MAN1A2: variants seen among roughly 807,000 people sequenced by gnomAD.
MAN1A2 encodes mannosyl-oligosaccharide 1,2-alpha-mannosidase IB.
A neutral mutation model predicts 75.7 loss-of-function variants in MAN1A2; 26 were observed. That is an observed-to-expected ratio of 0.34 (90% CI 0.25 to 0.48). The LOEUF is 0.48. MAN1A2 is among the 20% of genes least tolerant of loss of function. MAN1A2 has a pLI of 0.99. For missense variants in MAN1A2, 562 were observed against 775.5 expected, an observed-to-expected ratio of 0.72 and a Z score of 3.27; for synonymous variants, 247 against 264.6, an observed-to-expected ratio of 0.93 and a Z score of 0.65.
At chr1:117,471,627 A>C (rs989892186) in intron 8 of MAN1A2, among the ~76,000 whole-genome samples, 4 of 151,894 alleles carry the variant, frequency 2.6e-5, no homozygotes, top group Admixed American at 6.6e-5. Flanking sequence ...CTGTAAAGCA[A>C]GATGGACAGA....
At chr1:117,484,274 G>C (rs983336606) in intron 8 of MAN1A2, among the ~76,000 whole-genome samples, 1 of 151,892 alleles carries the variant, frequency 6.6e-6, no homozygotes, top group African/African-American at 2.4e-5. Context: ...GTTTATTGAT[G>C]TTGTAAATTT....
In MAN1A2 at chr1:117,435,435, A is replaced by T. The variant is rs573103632; in HGVS notation, c.856-6796A>T. 3.3e-5 allele frequency among the ~76,000 whole-genome samples: 5 copies of T among 152,326 alleles called. No individual in the cohort carries two copies. The East Asian group carries it at 9.6e-4, about 29-fold the overall frequency. On this transcript the variant is annotated intron_variant, in intron 5 of 12. Transcript: ENST00000356554. Reference sequence around the variant, plus strand: ...ATGCTTTTGCTCACATGTGTGGTCAATCCTTAATAAGATCTGTTTCAGTGA... The same window carrying T: ...ATGCTTTTGCTCACATGTGTGGTCATTCCTTAATAAGATCTGTTTCAGTGA...
intron 3 of MAN1A2, among the ~76,000 whole-genome samples, chr1:117,412,807 TTG>T (rs1259688571): frequency 1.3e-5 from 2 of 151,858 alleles, no homozygotes; most frequent in African/African-American, 4.8e-5. Context: ...CTTTTCTTCC[TTG>T]AAGCCTTTAG....
At chr1:117,457,094 A>C (rs1479467246) in intron 6 of MAN1A2, among the ~76,000 whole-genome samples, 3 of 152,100 alleles carry the variant, frequency 2.0e-5, no homozygotes, top group Non-Finnish European at 4.4e-5. Flanking sequence ...TATTCGACTG[A>C]CTTTGAACAA....
chr1:117,442,846 T>C lies in MAN1A2; in HGVS notation c.950+521T>C, dbSNP rs140101413. Among the ~76,000 whole-genome samples, 998 of 152,258 alleles carry C rather than the reference T, an allele frequency of 6.6e-3. 7 individuals are homozygous for C. The highest frequency in any genetic ancestry group is 0.022 in the African/African-American group (935 of 41,560). ...TATTATAGCATCTACACTAGTGAAG[T>C]TCAAAGTGAACTCTTAAGCATCAAT... On this transcript the variant is annotated intron_variant, in intron 6 of 12. Coordinates refer to ENST00000356554, the MANE Select transcript of MAN1A2 (RefSeq NM_006699.5).
intron 5 of MAN1A2, among the ~76,000 whole-genome samples, chr1:117,423,271 T>A (rs1010594428): frequency 6.6e-6 from 1 of 152,206 alleles, no homozygotes; most frequent in African/African-American, 2.4e-5. Flanking sequence ...TACCACATTG[T>A]ATTCATTATT....
chr1:117,510,456 A>G (rs943539639), intron 12 of MAN1A2, among the ~76,000 whole-genome samples: 1 of 152,086 alleles, frequency 6.6e-6, no homozygotes, highest in Non-Finnish European at 1.5e-5. Context: ...ATCTTAGACA[A>G]CAGAGTAAAT....
At chr1:117,473,274 G>A (rs1022418237) in intron 8 of MAN1A2, among the ~76,000 whole-genome samples, 1 of 151,680 alleles carries the variant, frequency 6.6e-6, no homozygotes, top group African/African-American at 2.4e-5. Context: ...CCCCACTCCA[G>A]TTTCTCAGCA....
chr1:117,458,523 A>ATAAT (rs1553236643), intron 6 of MAN1A2, among the ~76,000 whole-genome samples: 2 of 105,614 alleles, frequency 1.9e-5, no homozygotes, highest in Admixed American at 9.7e-5. Context: ...ATATATATAT[A>ATAAT]TTTTTTTTTT....
intron 8 of MAN1A2, among the ~76,000 whole-genome samples, chr1:117,480,022 G>T (rs1391345675): frequency 1.3e-5 from 2 of 151,820 alleles, no homozygotes; most frequent in Admixed American, 1.3e-4. Context: ...TTCTTGTCTG[G>T]CTGGTATGAA....
At chr1:117,469,090 TTGAACCCAGGAGGTGGAGGTTGCAG>T (rs1373443469) in intron 8 of MAN1A2, among the ~76,000 whole-genome samples, 2 of 152,072 alleles carry the variant, frequency 1.3e-5, no homozygotes, top group African/African-American at 4.8e-5. Flanking sequence ...GGAGAGTCAC[TTGAACCCAGGAGGTGGAGGTTGCAG>T]TGAACCGAGA....
At chr1:117,400,581 A>C (rs2101751699) in intron 1 of MAN1A2, among the ~76,000 whole-genome samples, 1 of 151,854 alleles carries the variant, frequency 6.6e-6, no homozygotes, top group East Asian at 1.9e-4. Flanking sequence ...CTTTTTTGAG[A>C]ATGTCATATA....
rs187082719 is a variant in MAN1A2 at position 117,524,003 on chromosome 1, A to G, written c.*1046A>G. On this transcript the variant is annotated 3_prime_UTR_variant, in exon 13 of 13. Coordinates refer to ENST00000356554, the MANE Select transcript of MAN1A2 (RefSeq NM_006699.5). ...TACTTTTATAACTTACTAAAGCAGA[A>G]CAAACAGTGAAACTTTCTAAAATAT... 18 of 152,424 alleles carry G rather than the reference A, an allele frequency of 1.2e-4. No individual in the cohort carries two copies. The highest frequency in any genetic ancestry group is 3.9e-4 in the African/African-American group (16 of 41,534). The allele number at this position is 152,424 out of a possible 1,614,324, so 9.4% of individuals were successfully genotyped here.
chr1:117,404,075 G>A (rs188668341), intron 2 of MAN1A2, among the ~76,000 whole-genome samples: 2 of 152,060 alleles, frequency 1.3e-5, no homozygotes, highest in East Asian at 3.9e-4. Context: ...AAATTACATT[G>A]TTTTTTGGAT....
intron 12 of MAN1A2, among the ~76,000 whole-genome samples, chr1:117,504,579 T>C (rs760589148): frequency 6.6e-6 from 1 of 151,460 alleles, no homozygotes; most frequent in Middle Eastern, 3.4e-3. Context: ...TTAATATTCA[T>C]ATAATAATGT....
intron 12 of MAN1A2, among the ~76,000 whole-genome samples, chr1:117,509,900 C>G (rs1450671942): frequency 6.6e-6 from 1 of 151,400 alleles, no homozygotes; most frequent in Non-Finnish European, 1.5e-5. Context: ...CTTGATATAG[C>G]CTTCTGGAAA....
Position 117,368,483 on chromosome 1 carries a change from C to A in MAN1A2, c.300C>A (p.His100Gln). 6.2e-7 allele frequency: 1 copy of A among 1,602,324 alleles called. No homozygotes were observed. The highest frequency in any genetic ancestry group is 8.5e-7 in the Non-Finnish European group (1 of 1,175,612). ...FLIHGPDEHRHREEEERLRNK... is the reference protein window; with the variant it reads ...FLIHGPDEHRQREEEERLRNK... ...TCCATGGACCCGATGAACATAGACA[C>A]AGGTTTGTTTATTTCAGAAGTTCTG... is the stretch of plus-strand genomic sequence containing the variant. Residue 100 changes from histidine (H) to glutamine (Q), a missense_variant and splice_region_variant, in exon 1 of 13, where the codon CAC (histidine) becomes CAA (glutamine). Physicochemically the swap from His to Gln is conservative, Grantham distance 24. Transcript: ENST00000356554.
rs372112785 is a variant in MAN1A2, at chr1:117,496,794, G to A, written c.1316G>A (p.Arg439His). The change falls in exon 10 of 13, where the codon CGT becomes CAT. Residue 439 changes from arginine (R) to histidine (H), a missense_variant. Arg to His is a conservative substitution (Grantham distance 29). Around this residue, in one of 2 missense-constraint regions of MAN1A2, gnomAD observed 434 missense variants for 645.7 expected, o/e 0.67. Transcript: ENST00000356554. Reference sequence around the variant, plus strand: ...GAAAAACATCTTATTAAGAAGTCTCGTGGAGGTCTTACCTTTATTGGAGAA... The same window carrying A: ...GAAAAACATCTTATTAAGAAGTCTCATGGAGGTCTTACCTTTATTGGAGAA... ...AIEKHLIKKSRGGLTFIGEWK... is the reference protein window; with the variant it reads ...AIEKHLIKKSHGGLTFIGEWK... 1.9e-5 allele frequency: 30 copies of A among 1,611,966 alleles called. No individual in the cohort carries two copies. The highest frequency in any genetic ancestry group is 1.6e-4 in the Middle Eastern group (1 of 6,062).
chr1:117,450,771 G>C lies in MAN1A2; in HGVS notation c.950+8446G>C, dbSNP rs575234016. Among the ~76,000 whole-genome samples the C allele has an allele frequency of 3.3e-5, 5 of 152,328 alleles. No individual in the cohort carries two copies. In the East Asian group the frequency reaches 9.7e-4, roughly 29 times the overall value. On this transcript the variant is annotated intron_variant, in intron 6 of 12. Coordinates refer to ENST00000356554, the MANE Select transcript of MAN1A2 (RefSeq NM_006699.5). ...GCCTCAAGCTTCCATGTGGTGTTGAGCCTGCCAGTGCACAGAAGTCAAGAA... is the reference window on the plus strand; with the variant it reads ...GCCTCAAGCTTCCATGTGGTGTTGACCCTGCCAGTGCACAGAAGTCAAGAA...
Sources: allele counts gnomAD v4.1 joint callset (sites outside exome capture counted in the v4.1 genomes callset), GRCh38; gene constraint gnomAD v4.1.1; regional missense constraint gnomAD v4.1.1; transcripts MANE v1.5; gene names NCBI Gene and HGNC (gene_info 2026-07-23, HGNC 2026-07-21).